CREB5: variants seen among roughly 807,000 people sequenced by gnomAD.
CREB5 encodes the protein cyclic AMP-responsive element-binding protein 5.
A neutral mutation model predicts 57.1 loss-of-function variants in CREB5; 19 were observed. The observed-to-expected ratio is 0.33, with a 90% CI of 0.23 to 0.49. The LOEUF (loss-of-function observed/expected upper bound fraction) is 0.49. Ranked by LOEUF, CREB5 falls within the 20% of genes least tolerant of loss-of-function variation. The pLI, the probability that CREB5 is intolerant of heterozygous loss-of-function variation, is 0.99. For missense variants in CREB5, 579 were observed against 671.6 expected (o/e 0.86, Z 1.52); for synonymous variants, 238 against 238.3 (o/e 1.00, Z 0.01).
intron 7 of CREB5, among the ~76,000 whole-genome samples, chr7:28,778,032 A>T (rs1806761356): frequency 6.6e-6 from 1 of 152,164 alleles, no homozygotes; most frequent in African/African-American, 2.4e-5. Context: ...ATGGAGAACG[A>T]TTTATTGATC....
In CREB5 at chr7:28,825,327, C is replaced by T. The variant is rs1301863326; in HGVS notation, c.*6048C>T. On this transcript the variant is annotated 3_prime_UTR_variant, in exon 11 of 11. Coordinates refer to ENST00000357727, the MANE Select transcript of CREB5 (RefSeq NM_182898.4). ...CTGCCTCATAGAGAAAGGAATGTTGCCTTTGAGAACTGTCTTGGAGAACAG... is the reference window on the plus strand; with the variant it reads ...CTGCCTCATAGAGAAAGGAATGTTGTCTTTGAGAACTGTCTTGGAGAACAG... 1.3e-5 allele frequency: 2 copies of T among 152,230 alleles called. No homozygotes were observed. The highest frequency in any genetic ancestry group is 2.9e-5 in the Non-Finnish European group (2 of 68,028). 9.4% of individuals were successfully genotyped at this position (152,230 alleles called of 1,614,324 possible). A position where few individuals can be genotyped will look rare whatever the true frequency, so the allele number is the denominator to read the frequency against.
At chr7:28,487,940 A>G (rs1422590561) in intron 1 of CREB5, among the ~76,000 whole-genome samples, 1 of 152,170 alleles carries the variant, frequency 6.6e-6, no homozygotes, top group Non-Finnish European at 1.5e-5. Flanking sequence ...GTTTTCTTCC[A>G]AGTACAGTCA....
chr7:28,757,334 C>T (rs567099445), intron 7 of CREB5, among the ~76,000 whole-genome samples: 39 of 152,188 alleles, frequency 2.6e-4, no homozygotes, highest in Middle Eastern at 3.4e-3. Flanking sequence ...ACTACTATGC[C>T]ACTGTAACAA....
intron 1 of CREB5, among the ~76,000 whole-genome samples, chr7:28,478,525 T>C (rs1202406410): frequency 1.3e-5 from 2 of 152,140 alleles, no homozygotes; most frequent in African/African-American, 4.8e-5. Context: ...GGGCTAATGG[T>C]GCCAGCAACG....
intron 1 of CREB5, among the ~76,000 whole-genome samples, chr7:28,441,882 A>G (rs1237921261): frequency 6.6e-6 from 1 of 152,222 alleles, no homozygotes; most frequent in Non-Finnish European, 1.5e-5. Context: ...TATCACATGT[A>G]TACAACATAA....
At chr7:28,480,337 G>C (rs1433214749) in intron 1 of CREB5, among the ~76,000 whole-genome samples, 1 of 152,192 alleles carries the variant, frequency 6.6e-6, no homozygotes, top group African/African-American at 2.4e-5. Context: ...CCAGTATGAA[G>C]AATAGATCCA....
At chr7:28,402,173 CA>C (rs1227659627) in intron 1 of CREB5, among the ~76,000 whole-genome samples, 1 of 152,162 alleles carries the variant, frequency 6.6e-6, no homozygotes, top group African/African-American at 2.4e-5. Context: ...TGATGATGAG[CA>C]TTTTTTAATG....
chr7:28,749,086 G>A (rs1306365754), intron 7 of CREB5, among the ~76,000 whole-genome samples: 1 of 152,190 alleles, frequency 6.6e-6, no homozygotes, highest in African/African-American at 2.4e-5. Flanking sequence ...ATCCAAGCCT[G>A]ACCTCCTAAG....
chr7:28,658,967 A>ATATATATATATATATATATATG (rs1799470639), intron 5 of CREB5, among the ~76,000 whole-genome samples: 1 of 140,238 alleles, frequency 7.1e-6, no homozygotes, highest in Non-Finnish European at 1.6e-5. Flanking sequence ...ATATATATAT[A>ATATATATATATATATATATATG]TATATATATA....
intron 4 of CREB5, among the ~76,000 whole-genome samples, chr7:28,560,877 T>TGCGCGTGTGTGCGC (rs1252188779): frequency 6.5e-5 from 2 of 30,860 alleles, no homozygotes; most frequent in Non-Finnish European, 1.1e-4. Flanking sequence ...TGCGTGCGCG[T>TGCGCGTGTGTGCGC]GCGTGCGTGC....
In CREB5 at chr7:28,456,447, G is replaced by A. The variant is rs568930769; in HGVS notation, c.4-31728G>A. 4.6e-5 allele frequency among the ~76,000 whole-genome samples: 7 copies of A among 152,152 alleles called. No individual in the cohort carries two copies. The South Asian group carries it at 6.2e-4, about 14-fold the overall frequency. ...AAACAAATCTCTCTTGTGCTGTTTC[G>A]GATGCTCTCACTCATGGTTACGGAC... On this transcript the variant is annotated intron_variant, in intron 1 of 10. Coordinates refer to ENST00000357727, the MANE Select transcript of CREB5 (RefSeq NM_182898.4).
At chr7:28,617,935 C>T (rs902746861) in intron 5 of CREB5, among the ~76,000 whole-genome samples, 2 of 152,092 alleles carry the variant, frequency 1.3e-5, no homozygotes, top group African/African-American at 2.4e-5. Context: ...GAAGCCATTC[C>T]TTATAAGCTA....
At chr7:28,521,756 A>G (rs1189351093) in intron 4 of CREB5, among the ~76,000 whole-genome samples, 1 of 152,160 alleles carries the variant, frequency 6.6e-6, no homozygotes, top group Non-Finnish European at 1.5e-5. Flanking sequence ...CTCTGACCAG[A>G]TACAGAAGGG....
intron 4 of CREB5, among the ~76,000 whole-genome samples, chr7:28,569,190 C>G (rs1193527637): frequency 6.6e-6 from 1 of 151,328 alleles, no homozygotes; most frequent in African/African-American, 2.4e-5. Flanking sequence ...CAGAGTCTCA[C>G]TCTGTCCCTC....
At chr7:28,445,692 C>T (rs1211143643) in intron 1 of CREB5, among the ~76,000 whole-genome samples, 1 of 152,082 alleles carries the variant, frequency 6.6e-6, no homozygotes, top group Non-Finnish European at 1.5e-5. Flanking sequence ...GCTGGGACTA[C>T]AGGCGCCCGC....
chr7:28,564,860 T>C (rs1269035004), intron 4 of CREB5, among the ~76,000 whole-genome samples: 2 of 152,212 alleles, frequency 1.3e-5, no homozygotes, highest in African/African-American at 2.4e-5. Flanking sequence ...AATCAACGTT[T>C]GTAGGTCCAT....
chr7:28,810,708 A>AT (rs70977073), intron 9 of CREB5, among the ~76,000 whole-genome samples: 1 of 151,180 alleles, frequency 6.6e-6, no homozygotes, highest in Non-Finnish European at 1.5e-5. Flanking sequence ...AAATAAATAA[A>AT]AAGAGTTAAT....
intron 4 of CREB5, among the ~76,000 whole-genome samples, chr7:28,554,155 C>T (rs1794774715): frequency 6.6e-6 from 1 of 152,158 alleles, no homozygotes; most frequent in Non-Finnish European, 1.5e-5. Flanking sequence ...CTAAAATCAC[C>T]CATCGTCACA....
chr7:28,428,616 A>G (rs1788598055), intron 1 of CREB5, among the ~76,000 whole-genome samples: 2 of 152,178 alleles, frequency 1.3e-5, no homozygotes, highest in African/African-American at 2.4e-5. Flanking sequence ...ATCGACTGAG[A>G]TGGGGAAGAC....
Sources: allele counts gnomAD v4.1 joint callset (sites outside exome capture counted in the v4.1 genomes callset), GRCh38; gene constraint gnomAD v4.1.1; transcripts MANE v1.5; gene names NCBI Gene and HGNC (gene_info 2026-07-23, HGNC 2026-07-21).